The following ARRDC4 variants were observed in gnomAD, a reference collection of about 807,000 sequenced individuals.
ARRDC4 encodes arrestin domain-containing protein 4.
Under a neutral mutation model 44.6 loss-of-function variants are expected in ARRDC4, and 40 were observed. That is an observed-to-expected ratio of 0.90 (90% CI 0.70 to 1.17). The LOEUF (loss-of-function observed/expected upper bound fraction) is 1.17. Among genes scored for constraint, ARRDC4 ranks in the 50% most tolerant of loss-of-function variants. ARRDC4 has a pLI of 0.00. For missense variants in ARRDC4, 550 were observed against 559.1 expected (o/e 0.98, Z 0.16); for synonymous variants, 211 against 221.2 (o/e 0.95, Z 0.41).
intron 1 of ARRDC4, among the ~76,000 whole-genome samples, chr15:97,963,535 A>G (rs1294254488): frequency 6.6e-6 from 1 of 152,180 alleles, no homozygotes; most frequent in Non-Finnish European, 1.5e-5. Context: ...TGTTCCCCAC[A>G]AATGCCTGCC....
chr15:97,969,776 G>C (rs888151706), intron 5 of ARRDC4, 107 bp from the exon 6 acceptor site: 4 of 1,059,618 alleles, frequency 3.8e-6, no homozygotes, highest in Non-Finnish European at 5.3e-6. Context: ...GGTGGCAGCC[G>C]ACAAAAGCAT....
In ARRDC4 at chr15:97,966,985, T is replaced by C. The variant is rs1899428268; in HGVS notation, c.522+943T>C. Among the ~76,000 whole-genome samples the C allele has an allele frequency of 6.6e-6, 1 of 152,190 alleles. No homozygotes were observed. The highest frequency in any genetic ancestry group is 6.5e-5 in the Admixed American group (1 of 15,272). The stretch of plus-strand genomic sequence containing the variant: ...GTCTTATTTTCGCATGAGAAAGAAA[T>C]AGAATTTAATGTTCACCTTTAGATT... On this transcript the variant is annotated intron_variant, in intron 3 of 7. Transcript: ENST00000268042. This position sits in a 1 kb window ranked among gnomAD's most constrained non-coding sequence, Gnocchi z 4.7.
chr15:97,971,539 T>TGTTTG lies in ARRDC4; in HGVS notation c.*353_*354insTTTGG. 5.9e-6 allele frequency: 1 copy of TGTTTG among 168,838 alleles called. No homozygotes were observed. The highest frequency in any genetic ancestry group is 1.1e-5 in the Non-Finnish European group (1 of 90,516). 10.5% of individuals were successfully genotyped at this position (168,838 alleles called of 1,614,324 possible). A position where few individuals can be genotyped will look rare whatever the true frequency, so the allele number is the denominator to read the frequency against. ...GAAACACTGTGGGAGTTTCCCATGG[T>TGTTTG]GAAGAGTGGAACGAAGGCGATATGA... On this transcript the variant is annotated 3_prime_UTR_variant, in exon 8 of 8. Transcript: ENST00000268042.
Position 97,965,620 on chromosome 15 carries a change from C to G in ARRDC4, c.328C>G (p.Gln110Glu). ...PPAGEGIILL[Q>E]PGKHEFPFRF... Reference sequence around the variant, plus strand: ...TATAGGTGAAGGCATCATTTTATTACAGCCTGGAAAACATGAATTTCCATT... The same window carrying G: ...TATAGGTGAAGGCATCATTTTATTAGAGCCTGGAAAACATGAATTTCCATT... The change falls in exon 2 of 8, where the codon CAG (glutamine) becomes GAG (glutamate). Residue 110 changes from glutamine to glutamate, a missense_variant. Coordinates refer to ENST00000268042, the MANE Select transcript of ARRDC4 (RefSeq NM_183376.3). This position sits in a 1 kb window ranked among gnomAD's most constrained non-coding sequence, Gnocchi z 5.1. 1 of 1,612,620 alleles carries G rather than the reference C, an allele frequency of 6.2e-7. No individual in the cohort carries two copies. Among genetic ancestry groups the G allele is most frequent in the Non-Finnish European group, 8.5e-7 (1 of 1,178,694 alleles).
rs1899421557 is a variant in ARRDC4 at position 97,966,479 on chromosome 15, T to G, written c.522+437T>G. On this transcript the variant is annotated intron_variant, in intron 3 of 7. Coordinates refer to ENST00000268042, the MANE Select transcript of ARRDC4 (RefSeq NM_183376.3). The surrounding 1 kb of genome is among the most constrained non-coding windows in gnomAD (Gnocchi z 4.7). ...ATCATGCTCAGCCTGTTATTGAAGC[T>G]CAGGCCATTATGCTATGTATCCTTC... is the stretch of plus-strand genomic sequence containing the variant. 3.3e-5 allele frequency among the ~76,000 whole-genome samples: 5 copies of G among 152,200 alleles called. No homozygotes were observed. Among genetic ancestry groups the G allele is most frequent in the Admixed American group, 3.3e-4 (5 of 15,282 alleles).
chr15:97,969,857 T>C (rs1899477983), intron 5 of ARRDC4, 26 bp from the exon 6 acceptor site: 2 of 133,454 alleles, frequency 1.5e-5, no homozygotes, highest in Non-Finnish European at 2.1e-5. Context: ...TTCCTTTCTC[T>C]TTTTTTTTTT....
rs1899447030 is a variant in ARRDC4, at chr15:97,967,965, T to C, written c.523-49T>C. On this transcript the variant is annotated intron_variant, in intron 3 of 7. Transcript: ENST00000268042. The surrounding 1 kb of genome is among the most constrained non-coding windows in gnomAD (Gnocchi z 5.0). ...AGATATAATTTTAAGTTCTATGAGT[T>C]CTCTAGAGTGGCTTAATTAAGGTTG... is the stretch of plus-strand genomic sequence containing the variant. 2 of 1,216,614 alleles carry C rather than the reference T, an allele frequency of 1.6e-6. No homozygotes were observed. Among genetic ancestry groups the C allele is most frequent in the Non-Finnish European group, 2.3e-6 (2 of 857,248 alleles). The allele number at this position is 1,216,614 out of a possible 1,614,324, so 75.4% of individuals were successfully genotyped here.
At chr15:97,969,630 C>A (rs1390545946) in intron 5 of ARRDC4, among the ~76,000 whole-genome samples, 1 of 152,084 alleles carries the variant, frequency 6.6e-6, no homozygotes, top group Non-Finnish European at 1.5e-5. Context: ...CCTTAATTTT[C>A]TATAATTATT....
intron 1 of ARRDC4, among the ~76,000 whole-genome samples, chr15:97,962,771 T>TA (rs1899343682): frequency 6.6e-6 from 1 of 152,128 alleles, no homozygotes; most frequent in African/African-American, 2.4e-5. Context: ...GGAAAAAAAA[T>TA]AAGTCACCCC....
chr15:97,969,959 G>C lies in ARRDC4; in HGVS notation c.959G>C (p.Gly320Ala). 1 of 1,612,670 alleles carries C rather than the reference G, an allele frequency of 6.2e-7. No individual in the cohort carries two copies. The highest frequency in any genetic ancestry group is 8.5e-7 in the Non-Finnish European group (1 of 1,179,432). Residue 320 changes from glycine to alanine, a missense_variant, in exon 6 of 8, where the codon GGT (glycine) becomes GCT (alanine). Transcript: ENST00000268042. ...PLVIGTIPYN[G>A]FGSRNSSIAS... ...GTGATCGGTACAATTCCATATAATG[G>C]TTTTGGCAGCAGAAACTCCAGCATT... is the stretch of plus-strand genomic sequence containing the variant.
Position 97,970,953 on chromosome 15 carries a change from T to C in ARRDC4, c.1201-178T>C, listed in dbSNP as rs1212826170. 1.3e-5 allele frequency among the ~76,000 whole-genome samples: 2 copies of C among 152,154 alleles called. No individual in the cohort carries two copies. The highest frequency in any genetic ancestry group is 2.9e-5 in the Non-Finnish European group (2 of 68,022). Reference sequence around the variant, plus strand: ...TGATCTATGGCATCAGATACAGTATTGTGGATTGCCTTTAAGGTGTGTTAT... The same window carrying C: ...TGATCTATGGCATCAGATACAGTATCGTGGATTGCCTTTAAGGTGTGTTAT... On this transcript the variant is annotated intron_variant, in intron 7 of 7. Coordinates refer to ENST00000268042, the MANE Select transcript of ARRDC4 (RefSeq NM_183376.3). The surrounding 1 kb of genome is among the most constrained non-coding windows in gnomAD (Gnocchi z 4.2).
intron 1 of ARRDC4, among the ~76,000 whole-genome samples, chr15:97,964,469 G>A (rs1899380700): frequency 6.6e-6 from 1 of 152,122 alleles, no homozygotes; most frequent in Admixed American, 6.5e-5. Context: ...TCTCAAGAGA[G>A]CCTCCTGACC....
intron 4 of ARRDC4, 55 bp from the exon 5 acceptor site, chr15:97,969,068 G>GAA: frequency 6.3e-7 from 1 of 1,576,990 alleles, no homozygotes; most frequent in Non-Finnish European, 8.7e-7. Flanking sequence ...AATCCATTGT[G>GAA]GTGAGAACTT....
rs773872179 is a variant in ARRDC4, at chr15:97,960,770, C to T, written c.-92C>T. On this transcript the variant is annotated 5_prime_UTR_variant, in exon 1 of 8. Coordinates refer to ENST00000268042, the MANE Select transcript of ARRDC4 (RefSeq NM_183376.3). ...GGCTGCCGCGGCGGCCTTACCCTGC[C>T]GCGAGCGCCTGTGACAGCGGCGCCG... The T allele has an allele frequency of 9.9e-4, 1,167 of 1,174,926 alleles. 1 individual carries two copies. Among genetic ancestry groups the T allele is most frequent in the Non-Finnish European group, 1.2e-3 (1,117 of 930,998 alleles). 72.8% of individuals were successfully genotyped at this position (1,174,926 alleles called of 1,614,324 possible).
chr15:97,965,803 T>C lies in ARRDC4; in HGVS notation c.375-92T>C. ...TCCCTAAATAGACTTACTCTTTTTT[T>C]ATTTCCAACCTAAAACATTTTAAAC... On this transcript the variant is annotated intron_variant, in intron 2 of 7. Transcript: ENST00000268042. This position sits in a 1 kb window ranked among gnomAD's most constrained non-coding sequence, Gnocchi z 5.1. The C allele has an allele frequency of 6.5e-7, 1 of 1,537,556 alleles. No individual in the cohort carries two copies. The highest frequency in any genetic ancestry group is 1.2e-5 in the South Asian group (1 of 85,910).
In ARRDC4 at chr15:97,965,441, C is replaced by CACACA. The variant is rs533989577; in HGVS notation, c.308-159_308-158insACACA. Among the ~76,000 whole-genome samples the CACACA allele has an allele frequency of 7.3e-5, 11 of 151,316 alleles. No individual in the cohort carries two copies. The highest frequency in any genetic ancestry group is 2.7e-4 in the African/African-American group (11 of 41,292). On this transcript the variant is annotated intron_variant, in intron 1 of 7. Transcript: ENST00000268042. This position sits in a 1 kb window ranked among gnomAD's most constrained non-coding sequence, Gnocchi z 5.1. ...AACACATAGACACACGCACACACAC[C>CACACA]CCCCTTCAAACTTAATTCTCTACAT...
In ARRDC4 at chr15:97,965,622, G is replaced by A. The variant is rs746769427; in HGVS notation, c.330G>A (p.Gln110=). The change falls in exon 2 of 8, where the codon CAG becomes CAA. Residue 110 remains glutamine (Q), a synonymous_variant. Transcript: ENST00000268042. The surrounding 1 kb of genome is among the most constrained non-coding windows in gnomAD (Gnocchi z 5.1). The part of the protein sequence containing the change: ...PPAGEGIILL[Q]PGKHEFPFRF... ...TAGGTGAAGGCATCATTTTATTACAGCCTGGAAAACATGAATTTCCATTTC... is the reference window on the plus strand; with the variant it reads ...TAGGTGAAGGCATCATTTTATTACAACCTGGAAAACATGAATTTCCATTTC... 6.2e-7 allele frequency: 1 copy of A among 1,612,932 alleles called. No homozygotes were observed. Among genetic ancestry groups the A allele is most frequent in the Non-Finnish European group, 8.5e-7 (1 of 1,179,036 alleles).
rs1172797988 is a variant in ARRDC4 at position 97,973,752 on chromosome 15, T to C, written c.*2565T>C. 1 of 151,892 alleles carries C rather than the reference T, an allele frequency of 6.6e-6. No homozygotes were observed. The highest frequency in any genetic ancestry group is 2.4e-5 in the African/African-American group (1 of 41,424). 9.4% of individuals were successfully genotyped at this position (151,892 alleles called of 1,614,324 possible). Reference sequence around the variant, plus strand: ...ATTTTTATTATTAAAAATGTAACAATTTAACCCACAGGAAAAAAAATTACT... The same window carrying C: ...ATTTTTATTATTAAAAATGTAACAACTTAACCCACAGGAAAAAAAATTACT... On this transcript the variant is annotated 3_prime_UTR_variant, in exon 8 of 8. Coordinates refer to ENST00000268042, the MANE Select transcript of ARRDC4 (RefSeq NM_183376.3).
At chr15:97,962,950 C>G (rs1316890832) in intron 1 of ARRDC4, among the ~76,000 whole-genome samples, 1 of 152,186 alleles carries the variant, frequency 6.6e-6, no homozygotes, top group Non-Finnish European at 1.5e-5. Context: ...AATTCTTTGA[C>G]ATCCTTAATC....
Sources: gnomAD v4.1 joint callset for allele counts (sites outside exome capture counted in the v4.1 genomes callset) on GRCh38, gnomAD v4.1.1 for gene constraint, Gnocchi (gnomAD v3.1) non-coding constraint, MANE v1.5 for transcripts, NCBI Gene and HGNC (gene_info 2026-07-23, HGNC 2026-07-21) for gene names.